LRFN5: variants seen among roughly 807,000 people sequenced by gnomAD.
LRFN5 encodes leucine rich repeat and fibronectin type III domain containing 5, also known as leucine-rich repeat and fibronectin type-III domain-containing protein 5.
A neutral mutation model predicts 45.6 loss-of-function variants in LRFN5; 24 were observed. The observed-to-expected ratio is 0.53, with a 90% CI of 0.38 to 0.74. The LOEUF (loss-of-function observed/expected upper bound fraction) is 0.74, where lower values mean the gene tolerates loss of function less well. LRFN5 is among the 30% of genes least tolerant of loss of function. The pLI, the probability that LRFN5 is intolerant of heterozygous loss-of-function variation, is 0.00. For missense variants in LRFN5, 776 were observed against 861.5 expected (o/e 0.90, Z 1.24); for synonymous variants, 340 against 313.8 (o/e 1.08, Z -0.88).
intron 2 of LRFN5, among the ~76,000 whole-genome samples, chr14:41,823,280 C>T (rs952510318): frequency 3.3e-5 from 5 of 151,772 alleles, no homozygotes; most frequent in African/African-American, 7.3e-5. Context: ...ATTAACCTTC[C>T]GTTTCCATGT....
At chr14:41,689,894 C>CAAAAA (rs10572529) in intron 1 of LRFN5, among the ~76,000 whole-genome samples, 8 of 81,952 alleles carry the variant, frequency 9.8e-5, no homozygotes, top group East Asian at 6.9e-4. Flanking sequence ...GACTCCGTCT[C>CAAAAA]AAAAAAAAAA....
intron 2 of LRFN5, among the ~76,000 whole-genome samples, chr14:41,829,659 G>C (rs1888411944): frequency 6.6e-6 from 1 of 151,178 alleles, no homozygotes; most frequent in African/African-American, 2.4e-5. Flanking sequence ...TCATTAAGTG[G>C]TTATATTCCT....
chr14:41,711,113 AAAG>A (rs1566631601), intron 1 of LRFN5, among the ~76,000 whole-genome samples: 3 of 152,190 alleles, frequency 2.0e-5, no homozygotes, highest in African/African-American at 7.2e-5. Context: ...CTCTGTCAAG[AAAG>A]AAGACTAGAT....
intron 1 of LRFN5, among the ~76,000 whole-genome samples, chr14:41,745,039 A>G (rs1884866097): frequency 6.6e-6 from 1 of 152,224 alleles, no homozygotes; most frequent in East Asian, 1.9e-4. Flanking sequence ...GACCTAACAG[A>G]TACACAGAAC....
intron 1 of LRFN5, chr14:41,733,348 C>A (rs543172123): frequency 6.1e-4 from 93 of 151,580 alleles, no homozygotes; most frequent in African/African-American, 2.2e-3. Flanking sequence ...CATATGCAAA[C>A]GATACTAATA....
chr14:41,778,596 G>A (rs72668833), intron 2 of LRFN5, among the ~76,000 whole-genome samples: 2,082 of 151,704 alleles, frequency 0.014, 21 homozygotes, highest in Non-Finnish European at 0.02. Flanking sequence ...AATGAAGAAA[G>A]GTTTATAAAA....
chr14:41,753,021 G>A (rs539170698), intron 1 of LRFN5, among the ~76,000 whole-genome samples: 1 of 152,262 alleles, frequency 6.6e-6, no homozygotes, highest in South Asian at 2.1e-4. Flanking sequence ...ATTAAATAGG[G>A]AAACCTTCCC....
chr14:41,622,126 TC>T (rs1888157223), intron 1 of LRFN5, among the ~76,000 whole-genome samples: 1 of 108,228 alleles, frequency 9.2e-6, no homozygotes, highest in Non-Finnish European at 2.0e-5. Context: ...TTTCCATCCC[TC>T]TTTTTTTTTT....
chr14:41,891,775 T>G lies in LRFN5; in HGVS notation c.1911T>G (p.Thr637=). Residue 637 remains threonine (T), a synonymous_variant, in exon 4 of 6, where the codon ACT becomes ACG. Coordinates refer to ENST00000298119, the MANE Select transcript of LRFN5 (RefSeq NM_152447.5). ...TGCCTCCTTCCTGGACTTCAAGCAC[T>G]TCTGTGTCCCAAAAGCAGAAAAGAA... is the stretch of plus-strand genomic sequence containing the variant. ...SALPPSWTSS[T]SVSQKQKRKT... 1 of 1,614,172 alleles carries G rather than the reference T, an allele frequency of 6.2e-7. No homozygotes were observed. The highest frequency in any genetic ancestry group is 8.5e-7 in the Non-Finnish European group (1 of 1,180,032).
intron 1 of LRFN5, among the ~76,000 whole-genome samples, chr14:41,659,938 G>T (rs1880566989): frequency 6.9e-6 from 1 of 144,540 alleles, no homozygotes; most frequent in African/African-American, 2.5e-5. Flanking sequence ...TGTAGGTTCT[G>T]GATATTAGTC....
intron 2 of LRFN5, among the ~76,000 whole-genome samples, chr14:41,830,604 A>G (rs1207402304): frequency 1.3e-5 from 2 of 152,214 alleles, no homozygotes; most frequent in African/African-American, 4.8e-5. Flanking sequence ...TAGGAGATGA[A>G]GTCCAGAAAT....
intron 2 of LRFN5, among the ~76,000 whole-genome samples, chr14:41,851,646 T>C (rs1478300035): frequency 6.6e-6 from 1 of 151,862 alleles, no homozygotes; most frequent in Non-Finnish European, 1.5e-5. Context: ...AAAACAAGGT[T>C]ATTTAATATA....
intron 2 of LRFN5, among the ~76,000 whole-genome samples, chr14:41,794,182 C>G (rs1467303419): frequency 6.6e-6 from 1 of 152,004 alleles, no homozygotes; most frequent in East Asian, 1.9e-4. Context: ...CTAGGATCTG[C>G]TACATTTATT....
chr14:41,833,667 A>G (rs765200852), intron 2 of LRFN5, among the ~76,000 whole-genome samples: 28 of 152,214 alleles, frequency 1.8e-4, no homozygotes, highest in Non-Finnish European at 2.8e-4. Flanking sequence ...ACCTCTCTGA[A>G]CAGGATGTGT....
chr14:41,649,590 G>A (rs1879993882), intron 1 of LRFN5, among the ~76,000 whole-genome samples: 2 of 152,076 alleles, frequency 1.3e-5, no homozygotes, highest in African/African-American at 4.8e-5. Context: ...AAAGAACCCT[G>A]CTGCGTCAGT....
At chr14:41,778,713 A>T (rs1057010137) in intron 2 of LRFN5, among the ~76,000 whole-genome samples, 4 of 151,808 alleles carry the variant, frequency 2.6e-5, no homozygotes, top group African/African-American at 9.7e-5. Context: ...TGTGTGCAAT[A>T]TTGTCCTTCA....
At chr14:41,896,801 A>G (rs1177882332) in intron 4 of LRFN5, among the ~76,000 whole-genome samples, 1 of 151,996 alleles carries the variant, frequency 6.6e-6, no homozygotes, top group Non-Finnish European at 1.5e-5. Flanking sequence ...GCCACTTAAA[A>G]AGAGTGGTAG....
chr14:41,744,366 G>GA (rs1339917610), intron 1 of LRFN5, among the ~76,000 whole-genome samples: 1 of 151,106 alleles, frequency 6.6e-6, no homozygotes, highest in African/African-American at 2.4e-5. Flanking sequence ...TCAAATAAAT[G>GA]AAAAAATAAA....
intron 1 of LRFN5, among the ~76,000 whole-genome samples, chr14:41,720,717 T>C (rs1327097709): frequency 1.3e-5 from 2 of 152,140 alleles, no homozygotes; most frequent in African/African-American, 4.8e-5. Flanking sequence ...TATTGATATA[T>C]ATTTTTATTC....
Sources: allele counts gnomAD v4.1 joint callset (sites outside exome capture counted in the v4.1 genomes callset), GRCh38; gene constraint gnomAD v4.1.1; transcripts MANE v1.5; gene names NCBI Gene and HGNC (gene_info 2026-07-23, HGNC 2026-07-21).